The following BRINP1 variants were observed in gnomAD, a reference collection of about 807,000 sequenced individuals.
The protein encoded by BRINP1 is BMP/retinoic acid-inducible neural-specific protein 1.
BRINP1 carries 17 observed loss-of-function variants against 72.9 expected under a neutral mutation model. That is an observed-to-expected ratio of 0.23 (90% CI 0.16 to 0.35). BRINP1 has a LOEUF of 0.35. Ranked by LOEUF, BRINP1 falls within the 10% of genes least tolerant of loss-of-function variation. The pLI is 1.00. For missense variants in BRINP1, 850 were observed against 1,001.6 expected, an observed-to-expected ratio of 0.85 and a Z score of 2.04; for synonymous variants, 418 against 378.5, an observed-to-expected ratio of 1.10 and a Z score of -1.21.
chr9:119,205,966 GAATT>G (rs1300055633), intron 7 of BRINP1, among the ~76,000 whole-genome samples: 1 of 151,690 alleles, frequency 6.6e-6, no homozygotes, highest in African/African-American at 2.4e-5. Flanking sequence ...ATTCTGGGCT[GAATT>G]ACATACCCCT....
intron 7 of BRINP1, among the ~76,000 whole-genome samples, chr9:119,169,092 A>G (rs1035019741): frequency 2.6e-5 from 4 of 152,234 alleles, no homozygotes; most frequent in African/African-American, 9.6e-5. Context: ...ATGCCCATCA[A>G]TGATAGACTG....
chr9:119,313,405 C>T lies in BRINP1; in HGVS notation c.-50G>A. On this transcript the variant is annotated splice_region_variant and 5_prime_UTR_variant, in exon 2 of 8. Coordinates refer to ENST00000265922, the MANE Select transcript of BRINP1 (RefSeq NM_014618.3). ...TCATTCTTGCTCCATTCTGTGGAGT[C>T]CTATAGAAGAAAGAATAAAAAAGAG... The T allele has an allele frequency of 6.4e-7, 1 of 1,563,768 alleles. No homozygotes were observed. Among genetic ancestry groups the T allele is most frequent in the Non-Finnish European group, 8.6e-7 (1 of 1,157,480 alleles).
chr9:119,238,629 C>A (rs368591019), intron 5 of BRINP1, 26 bp downstream of exon 5: 128 of 1,473,188 alleles, frequency 8.7e-5, no homozygotes, highest in Non-Finnish European at 1.2e-4. Flanking sequence ...CCCCAACTGA[C>A]CCCACTTTTT....
At chr9:119,253,104 C>CT (rs1830410045) in intron 2 of BRINP1, among the ~76,000 whole-genome samples, 1 of 152,154 alleles carries the variant, frequency 6.6e-6, no homozygotes, top group Non-Finnish European at 1.5e-5. Flanking sequence ...ACCTGCTCAG[C>CT]ACCACGGACA....
In BRINP1 at chr9:119,208,743, G is replaced by C. The variant is rs775352113; in HGVS notation, c.1121C>G (p.Pro374Arg). 6.2e-7 allele frequency: 1 copy of C among 1,613,276 alleles called. No homozygotes were observed. Among genetic ancestry groups the C allele is most frequent in the African/African-American group, 1.3e-5 (1 of 75,026 alleles). The change falls in exon 7 of 8, where the codon CCC becomes CGC. Residue 374 changes from proline to arginine, a missense_variant. Physicochemically the swap from Pro to Arg is moderately radical, Grantham distance 103. Transcript: ENST00000265922. Reference sequence around the variant, plus strand: ...CCTCTCTCTAGGCAGCTGGTGGTTGGGATTGTGGCGACAGCGTACACTGAG... The same window carrying C: ...CCTCTCTCTAGGCAGCTGGTGGTTGCGATTGTGGCGACAGCGTACACTGAG... ...FGLSVRCRHN[P>R]NHQLPRERTI...
chr9:119,346,480 A>G (rs1472912371), intron 1 of BRINP1, among the ~76,000 whole-genome samples: 1 of 152,216 alleles, frequency 6.6e-6, no homozygotes, highest in Non-Finnish European at 1.5e-5. Context: ...CATTTTAACC[A>G]CCAACAAGAA....
intron 2 of BRINP1, among the ~76,000 whole-genome samples, chr9:119,276,753 C>T (rs576442503): frequency 6.6e-6 from 1 of 152,282 alleles, no homozygotes; most frequent in South Asian, 2.1e-4. Flanking sequence ...GATGTAGATA[C>T]TGCATGATTT....
rs181003163 is a variant in BRINP1, at chr9:119,169,191, T to G, written c.1146-967A>C. On this transcript the variant is annotated intron_variant, in intron 7 of 7. Transcript: ENST00000265922. ...CCAGCGTGAGCGACGCAGAAGACAG[T>G]GATTTCTGCATTTCCATCTGAGGTA... Among the ~76,000 whole-genome samples the G allele has an allele frequency of 4.8e-3, 725 of 152,282 alleles. 13 individuals carry two copies. The highest frequency in any genetic ancestry group is 0.039 in the Admixed American group (599 of 15,292).
chr9:119,304,439 AAG>A (rs1421994435), intron 2 of BRINP1, among the ~76,000 whole-genome samples: 2 of 152,110 alleles, frequency 1.3e-5, no homozygotes. Flanking sequence ...GTGAGCGGGG[AAG>A]AGTCAGGTAT....
At chr9:119,288,134 G>A (rs1212740081) in intron 2 of BRINP1, among the ~76,000 whole-genome samples, 1 of 152,186 alleles carries the variant, frequency 6.6e-6, no homozygotes, top group Non-Finnish European at 1.5e-5. Context: ...GCTGTTAAAT[G>A]TCTGGTTTAT....
intron 2 of BRINP1, 59 bp from the exon 3 acceptor site, chr9:119,249,209 T>TCCAC (rs1191823069): frequency 6.6e-7 from 1 of 1,518,062 alleles, no homozygotes; most frequent in East Asian, 2.3e-5. Context: ...TAAGCCAAAG[T>TCCAC]CCACCCAACC....
intron 7 of BRINP1, among the ~76,000 whole-genome samples, chr9:119,176,930 A>G (rs1829496461): frequency 6.6e-6 from 1 of 152,082 alleles, no homozygotes; most frequent in Non-Finnish European, 1.5e-5. Context: ...TCCTTTTTAA[A>G]TCCACAGAAC....
intron 2 of BRINP1, among the ~76,000 whole-genome samples, chr9:119,277,172 T>C (rs2118957717): frequency 6.6e-6 from 1 of 152,350 alleles, no homozygotes; most frequent in East Asian, 1.9e-4. Context: ...AGCCTATGTG[T>C]AGAGGCATCA....
At chr9:119,284,862 A>G (rs1056167184) in intron 2 of BRINP1, among the ~76,000 whole-genome samples, 1 of 152,178 alleles carries the variant, frequency 6.6e-6, no homozygotes, top group Non-Finnish European at 1.5e-5. Context: ...GAGCCGGCTC[A>G]TGGAAATCTC....
chr9:119,223,711 A>G (rs1830063613), intron 5 of BRINP1, among the ~76,000 whole-genome samples: 1 of 152,086 alleles, frequency 6.6e-6, no homozygotes, highest in South Asian at 2.1e-4. Context: ...TTCTATGTTT[A>G]GCATGCCCCA....
intron 2 of BRINP1, among the ~76,000 whole-genome samples, chr9:119,290,825 TA>T (rs1564239890): frequency 6.6e-6 from 1 of 152,040 alleles, no homozygotes. Context: ...AGATGCCATA[TA>T]AAAATTAGAA....
chr9:119,250,375 G>A (rs932755744), intron 2 of BRINP1, among the ~76,000 whole-genome samples: 4 of 152,126 alleles, frequency 2.6e-5, no homozygotes, highest in Non-Finnish European at 4.4e-5. Flanking sequence ...TAATAACAGA[G>A]GATCTCACAA....
At chr9:119,325,118 A>AAGAGAG (rs767203877) in intron 1 of BRINP1, among the ~76,000 whole-genome samples, 2 of 151,546 alleles carry the variant, frequency 1.3e-5, no homozygotes, top group African/African-American at 4.8e-5. Flanking sequence ...GAAAGAAAGA[A>AAGAGAG]AGAGAGAGAG....
chr9:119,210,765 G>C (rs969644144), intron 6 of BRINP1, among the ~76,000 whole-genome samples: 3 of 152,182 alleles, frequency 2.0e-5, no homozygotes, highest in Non-Finnish European at 2.9e-5. Flanking sequence ...CTTGAGTGCT[G>C]AACAGCTGTG....
Sources: allele counts gnomAD v4.1 joint callset (sites outside exome capture counted in the v4.1 genomes callset), GRCh38; gene constraint gnomAD v4.1.1; transcripts MANE v1.5; gene names NCBI Gene and HGNC (gene_info 2026-07-23, HGNC 2026-07-21).